GRM8: variants seen among roughly 807,000 people sequenced by gnomAD.
GRM8 encodes metabotropic glutamate receptor 8.
GRM8 carries 47 observed loss-of-function variants against 87.2 expected under a neutral mutation model. The observed-to-expected ratio is 0.54, with a 90% CI of 0.43 to 0.69. The LOEUF is 0.69. GRM8 is among the 30% of genes least tolerant of loss of function. GRM8 has a pLI of 0.00. For missense variants in GRM8, 1,019 were observed against 1,139.2 expected, an observed-to-expected ratio of 0.89 and a Z score of 1.52; for synonymous variants, 396 against 404.5, an observed-to-expected ratio of 0.98 and a Z score of 0.25.
At chr7:126,481,679 A>G (rs1017076745) in intron 9 of GRM8, among the ~76,000 whole-genome samples, 10 of 152,040 alleles carry the variant, frequency 6.6e-5, no homozygotes, top group African/African-American at 2.4e-4. Flanking sequence ...CACAGATTGA[A>G]AAAAACCAAG....
At chr7:126,703,401 C>T (rs770749653) in intron 7 of GRM8, among the ~76,000 whole-genome samples, 1 of 152,052 alleles carries the variant, frequency 6.6e-6, no homozygotes, top group Non-Finnish European at 1.5e-5. Flanking sequence ...AGTTGAGATG[C>T]AAACCAGACA....
intron 2 of GRM8, among the ~76,000 whole-genome samples, chr7:127,227,429 C>T (rs983756075): frequency 2.0e-4 from 31 of 152,276 alleles, no homozygotes; most frequent in African/African-American, 5.8e-4. Flanking sequence ...GACATGGAAA[C>T]GAGAAGCAAA....
At chr7:126,707,825 C>CA (rs1810693166) in intron 7 of GRM8, among the ~76,000 whole-genome samples, 1 of 152,044 alleles carries the variant, frequency 6.6e-6, no homozygotes, top group Non-Finnish European at 1.5e-5. Context: ...ATCTCCTTGA[C>CA]ATTGGTCTTG....
At chr7:126,485,629 C>A (rs765597860) in intron 9 of GRM8, among the ~76,000 whole-genome samples, 1 of 151,960 alleles carries the variant, frequency 6.6e-6, no homozygotes, top group Non-Finnish European at 1.5e-5. Flanking sequence ...AGTATAGACA[C>A]TGGGTACAAG....
intron 3 of GRM8, chr7:127,058,173 C>T (rs1053490217): frequency 7.7e-6 from 4 of 519,746 alleles, no homozygotes; most frequent in Non-Finnish European, 1.6e-5. Flanking sequence ...GACACAATGT[C>T]ATGGCATAAT....
At chr7:126,959,120 C>G (rs1451829853) in intron 3 of GRM8, among the ~76,000 whole-genome samples, 1 of 152,160 alleles carries the variant, frequency 6.6e-6, no homozygotes, top group African/African-American at 2.4e-5. Context: ...GACTTTGAAG[C>G]AGAGAGTGAA....
At chr7:127,227,430 G>A (rs546161587) in intron 2 of GRM8, among the ~76,000 whole-genome samples, 2 of 152,278 alleles carry the variant, frequency 1.3e-5, no homozygotes, top group South Asian at 2.1e-4. Flanking sequence ...ACATGGAAAC[G>A]AGAAGCAAAT....
At chr7:127,035,649 C>T (rs1817781161) in intron 3 of GRM8, among the ~76,000 whole-genome samples, 1 of 152,344 alleles carries the variant, frequency 6.6e-6, no homozygotes, top group East Asian at 1.9e-4. Flanking sequence ...TCAGACTCCA[C>T]ATAGTGTGAG....
chr7:126,868,259 C>T (rs1161364197), intron 6 of GRM8, among the ~76,000 whole-genome samples: 2 of 152,232 alleles, frequency 1.3e-5, no homozygotes, highest in African/African-American at 4.8e-5. Flanking sequence ...ACGGCAACCC[C>T]AACCCAACAG....
At chr7:126,673,990 C>T (rs1186653294) in intron 7 of GRM8, among the ~76,000 whole-genome samples, 1 of 152,190 alleles carries the variant, frequency 6.6e-6, no homozygotes. Context: ...ACCTTTTCCT[C>T]AATTCTATTA....
intron 3 of GRM8, among the ~76,000 whole-genome samples, chr7:126,961,806 TAGTC>T (rs1411592409): frequency 2.0e-5 from 3 of 152,240 alleles, no homozygotes; most frequent in Non-Finnish European, 4.4e-5. Flanking sequence ...GGACATCTGA[TAGTC>T]AGGCAAAGCT....
intron 6 of GRM8, among the ~76,000 whole-genome samples, chr7:126,860,677 C>A (rs192938010): frequency 6.6e-6 from 1 of 152,110 alleles, no homozygotes; most frequent in Non-Finnish European, 1.5e-5. Flanking sequence ...TTTTAAACAG[C>A]GGCAGATTTA....
chr7:126,939,367 A>T (rs1278466326), intron 3 of GRM8, among the ~76,000 whole-genome samples: 2 of 151,960 alleles, frequency 1.3e-5, no homozygotes, highest in Non-Finnish European at 2.9e-5. Flanking sequence ...TTGAATTATC[A>T]CTCCCTAATT....
chr7:126,768,858 T>C (rs909182186), intron 7 of GRM8, among the ~76,000 whole-genome samples: 3 of 151,642 alleles, frequency 2.0e-5, no homozygotes, highest in Non-Finnish European at 2.9e-5. Flanking sequence ...TTCACAAATA[T>C]TCTGCCACAG....
intron 8 of GRM8, among the ~76,000 whole-genome samples, chr7:126,582,771 T>C (rs1466723962): frequency 1.3e-5 from 2 of 152,188 alleles, no homozygotes; most frequent in Admixed American, 6.6e-5. Flanking sequence ...GTTGCATAAA[T>C]GGAAGTACAA....
intron 3 of GRM8, among the ~76,000 whole-genome samples, chr7:126,984,019 C>A (rs900383817): frequency 5.4e-5 from 8 of 149,130 alleles, no homozygotes; most frequent in Non-Finnish European, 1.1e-4. Flanking sequence ...TTCATTTGTA[C>A]CAAGAAAATA....
chr7:126,870,430 C>A (rs980274406), intron 6 of GRM8: 8 of 152,192 alleles, frequency 5.3e-5, no homozygotes, highest in African/African-American at 9.6e-5. Context: ...CAGCCTACAT[C>A]AGCTTTCCAT....
intron 6 of GRM8, among the ~76,000 whole-genome samples, chr7:126,884,886 A>C (rs1456840372): frequency 6.6e-6 from 1 of 152,234 alleles, no homozygotes; most frequent in African/African-American, 2.4e-5. Flanking sequence ...ATGGGCATAC[A>C]GTAGGGAGAT....
chr7:126,615,896 A>C (rs1018559706), intron 7 of GRM8, among the ~76,000 whole-genome samples: 1 of 152,302 alleles, frequency 6.6e-6, no homozygotes, highest in South Asian at 2.1e-4. Flanking sequence ...AGACCTACAA[A>C]GAGACTTAGA....
Sources: allele counts gnomAD v4.1 joint callset (sites outside exome capture counted in the v4.1 genomes callset), GRCh38; gene constraint gnomAD v4.1.1; transcripts MANE v1.5; gene names NCBI Gene and HGNC (gene_info 2026-07-23, HGNC 2026-07-21).